Variants in CARD19 observed in about 807,000 individuals in gnomAD.
The protein encoded by CARD19 is caspase recruitment domain-containing protein 19.
CARD19 carries 25 observed loss-of-function variants against 24.1 expected under a neutral mutation model. The observed-to-expected ratio is 1.04, with a 90% CI of 0.76 to 1.45. The LOEUF (loss-of-function observed/expected upper bound fraction) is 1.45, where lower values mean the gene tolerates loss of function less well. Ranked by LOEUF, CARD19 falls within the 40% of genes most tolerant of loss-of-function variation. The pLI is 0.00. For missense variants in CARD19, 241 were observed against 247.4 expected (o/e 0.97, Z 0.17); for synonymous variants, 103 against 104.9 (o/e 0.98, Z 0.11).
At chr9:93,104,786 G>T (rs1333377363) in intron 1 of CARD19, among the ~76,000 whole-genome samples, 1 of 152,108 alleles carries the variant, frequency 6.6e-6, no homozygotes, top group Non-Finnish European at 1.5e-5. Flanking sequence ...TTTCTGTAAA[G>T]TTCATGGTAA....
In CARD19 at chr9:93,112,795, G is replaced by A. The variant is rs571583471; in HGVS notation, c.437-197G>A. Among the ~76,000 whole-genome samples, 22 of 152,306 alleles carry A rather than the reference G, an allele frequency of 1.4e-4. No homozygotes were observed. In the South Asian group the frequency reaches 4.1e-3, roughly 29 times the overall value. Reference sequence around the variant, plus strand: ...CACACATGGCAGGACTCAAAGGCCCGTGGGTCACTCGGGTGGGAGCTGGGG... The same window carrying A: ...CACACATGGCAGGACTCAAAGGCCCATGGGTCACTCGGGTGGGAGCTGGGG... On this transcript the variant is annotated intron_variant, in intron 5 of 5. Coordinates refer to ENST00000375464, the MANE Select transcript of CARD19 (RefSeq NM_032310.5).
chr9:93,111,845 G>A (rs555777148), intron 3 of CARD19, 34 bp from the exon 4 acceptor site: 86 of 1,604,990 alleles, frequency 5.4e-5, no homozygotes, highest in African/African-American at 4.0e-4. Flanking sequence ...GGCCCTGCCC[G>A]TTGACTAACT....
In CARD19 at chr9:93,096,444, G is replaced by C; in HGVS notation, c.7+92G>C. 8.8e-7 allele frequency: 1 copy of C among 1,142,388 alleles called. No homozygotes were observed. Among genetic ancestry groups the C allele is most frequent in the Non-Finnish European group, 1.1e-6 (1 of 909,056 alleles). The allele number at this position is 1,142,388 out of a possible 1,614,324, so 70.8% of individuals were successfully genotyped here. A position where few individuals can be genotyped will look rare whatever the true frequency, so the allele number is the denominator to read the frequency against. ...CCGGCTGCCTTGCGAGTCGCCTGCA[G>C]GCCGCGCCTGGGCAGCGGGGGCCGA... is the stretch of plus-strand genomic sequence containing the variant. On this transcript the variant is annotated intron_variant, in intron 1 of 5. Transcript: ENST00000375464. The surrounding 1 kb of genome is among the most constrained non-coding windows in gnomAD (Gnocchi z 5.4).
chr9:93,106,414 T>A (rs867345207), intron 1 of CARD19, among the ~76,000 whole-genome samples: 13 of 102,894 alleles, frequency 1.3e-4, no homozygotes, highest in Non-Finnish European at 1.6e-4. Context: ...CTGTCTCTAC[T>A]AAAAAAAAAA....
Position 93,103,223 on chromosome 9 carries a change from C to T in CARD19, c.8-4451C>T, listed in dbSNP as rs915501182. Reference sequence around the variant, plus strand: ...CTTGTTCCTGATCTTAAGAAGCTTTCGGTCTTTCACCGTTAAGGTATGATG... The same window carrying T: ...CTTGTTCCTGATCTTAAGAAGCTTTTGGTCTTTCACCGTTAAGGTATGATG... On this transcript the variant is annotated intron_variant, in intron 1 of 5. Coordinates refer to ENST00000375464, the MANE Select transcript of CARD19 (RefSeq NM_032310.5). Among the ~76,000 whole-genome samples the T allele has an allele frequency of 3.9e-5, 6 of 152,270 alleles. No individual in the cohort carries two copies. In the South Asian group the frequency reaches 8.3e-4, roughly 21 times the overall value.
intron 1 of CARD19, among the ~76,000 whole-genome samples, chr9:93,105,668 ATT>A (rs1428344073): frequency 1.3e-5 from 2 of 152,152 alleles, no homozygotes; most frequent in Non-Finnish European, 2.9e-5. Context: ...ATCAGAAAAT[ATT>A]TTTTATATGA....
rs1394234548 is a variant in CARD19, at chr9:93,096,580, A to C, written c.7+228A>C. 2.0e-5 allele frequency among the ~76,000 whole-genome samples: 3 copies of C among 151,986 alleles called. No homozygotes were observed. Among genetic ancestry groups the C allele is most frequent in the Non-Finnish European group, 4.4e-5 (3 of 67,960 alleles). On this transcript the variant is annotated intron_variant, in intron 1 of 5. Coordinates refer to ENST00000375464, the MANE Select transcript of CARD19 (RefSeq NM_032310.5). This position sits in a 1 kb window ranked among gnomAD's most constrained non-coding sequence, Gnocchi z 5.4. ...CGTGCCAGCCGAGGCGGTGCCGGGC[A>C]TGATGGGTGGTGGCCAGGTGCGGGG...
rs747119431 is a variant in CARD19 at position 93,096,597 on chromosome 9, G to C, written c.7+245G>C. ...TGCCGGGCATGATGGGTGGTGGCCA[G>C]GTGCGGGGCCCGAAGAGGGCGGGGG... On this transcript the variant is annotated intron_variant, in intron 1 of 5. Transcript: ENST00000375464. This position sits in a 1 kb window ranked among gnomAD's most constrained non-coding sequence, Gnocchi z 5.4. 6.6e-6 allele frequency among the ~76,000 whole-genome samples: 1 copy of C among 152,228 alleles called. No individual in the cohort carries two copies. The highest frequency in any genetic ancestry group is 1.5e-5 in the Non-Finnish European group (1 of 68,034).
chr9:93,111,184 G>T (rs1827471396), intron 3 of CARD19: 3 of 1,191,414 alleles, frequency 2.5e-6, no homozygotes, highest in Non-Finnish European at 3.2e-6. Context: ...TGTTTCCATA[G>T]GACATTGTCA....
chr9:93,104,463 G>GTT (rs60855675), intron 1 of CARD19, among the ~76,000 whole-genome samples: 11 of 151,806 alleles, frequency 7.2e-5, no homozygotes, highest in East Asian at 1.9e-4. Flanking sequence ...CTCGTCTTCA[G>GTT]TTTTTTTTGT....
chr9:93,102,939 A>C (rs1827135468), intron 1 of CARD19, among the ~76,000 whole-genome samples: 1 of 152,170 alleles, frequency 6.6e-6, no homozygotes, highest in South Asian at 2.1e-4. Context: ...CATTGTTAGT[A>C]TGTAGAGATG....
chr9:93,096,325 G>A lies in CARD19; in HGVS notation c.-21G>A. On this transcript the variant is annotated 5_prime_UTR_variant, in exon 1 of 6. Coordinates refer to ENST00000375464, the MANE Select transcript of CARD19 (RefSeq NM_032310.5). The surrounding 1 kb of genome is among the most constrained non-coding windows in gnomAD (Gnocchi z 5.4). The stretch of plus-strand genomic sequence containing the variant: ...GCGGGGCAGACCGCTGGGGACTGCG[G>A]GCGGCGCTGTGTCCGTCGCCATGAC... 8.2e-7 allele frequency: 1 copy of A among 1,225,786 alleles called. No homozygotes were observed. Among genetic ancestry groups the A allele is most frequent in the Non-Finnish European group, 1.0e-6 (1 of 983,970 alleles). The allele number at this position is 1,225,786 out of a possible 1,614,324, so 75.9% of individuals were successfully genotyped here. A position where few individuals can be genotyped will look rare whatever the true frequency, so the allele number is the denominator to read the frequency against.
intron 3 of CARD19, 46 bp downstream of exon 3, chr9:93,110,767 G>A: frequency 6.3e-7 from 1 of 1,579,758 alleles, no homozygotes; most frequent in Non-Finnish European, 8.6e-7. Context: ...CTGGCCCGGG[G>A]AGGGCACCCC....
chr9:93,110,940 C>T, intron 3 of CARD19: 2 of 1,530,832 alleles, frequency 1.3e-6, no homozygotes, highest in Non-Finnish European at 1.7e-6. Flanking sequence ...CTCTGTCTCC[C>T]ACTTTCTCCC....
rs1358045140 is a variant in CARD19, at chr9:93,097,363, G to A, written c.7+1011G>A. ...CAGGCCAGAAGAGACTTCCAGCCTA[G>A]GCCACAAGAGACCCCAGCTGCCACC... is the stretch of plus-strand genomic sequence containing the variant. On this transcript the variant is annotated intron_variant, in intron 1 of 5. Transcript: ENST00000375464. Among the ~76,000 whole-genome samples the A allele has an allele frequency of 3.3e-5, 5 of 151,948 alleles. No individual in the cohort carries two copies. The South Asian group carries it at 8.3e-4, about 25-fold the overall frequency.
chr9:93,102,391 A>T (rs1587638944), intron 1 of CARD19, among the ~76,000 whole-genome samples: 1 of 152,300 alleles, frequency 6.6e-6, no homozygotes, highest in East Asian at 1.9e-4. Context: ...GTTCAGTTGT[A>T]GGAGTTCTTT....
In CARD19 at chr9:93,096,218, A is replaced by G; in HGVS notation, c.-128A>G. The G allele has an allele frequency of 9.6e-7, 1 of 1,040,448 alleles. No homozygotes were observed. The allele number at this position is 1,040,448 out of a possible 1,614,324, so 64.5% of individuals were successfully genotyped here. A position where few individuals can be genotyped will look rare whatever the true frequency, so the allele number is the denominator to read the frequency against. The stretch of plus-strand genomic sequence containing the variant: ...CCAAAGCCGGGGGGCTGGCCTAGCC[A>G]AAAGGGGCGGGCGAGCACGGCCCGC... On this transcript the variant is annotated 5_prime_UTR_variant, in exon 1 of 6. Coordinates refer to ENST00000375464, the MANE Select transcript of CARD19 (RefSeq NM_032310.5). This position sits in a 1 kb window ranked among gnomAD's most constrained non-coding sequence, Gnocchi z 5.4.
rs958393330 is a variant in CARD19 at position 93,096,468 on chromosome 9, G to A, written c.7+116G>A. ...AGGCCGCGCCTGGGCAGCGGGGGCC[G>A]AGTGACCTTGGCCCGTCAGCTGTCG... On this transcript the variant is annotated intron_variant, in intron 1 of 5. Transcript: ENST00000375464. This position sits in a 1 kb window ranked among gnomAD's most constrained non-coding sequence, Gnocchi z 5.4. The A allele has an allele frequency of 1.3e-5, 13 of 976,064 alleles. No homozygotes were observed. Among genetic ancestry groups the A allele is most frequent in the Non-Finnish European group, 1.6e-5 (12 of 758,202 alleles). The allele number at this position is 976,064 out of a possible 1,614,324, so 60.5% of individuals were successfully genotyped here.
At chr9:93,112,364 C>A in intron 5 of CARD19, 75 bp downstream of exon 5, 2 of 1,302,876 alleles carry the variant, frequency 1.5e-6, no homozygotes, top group Non-Finnish European at 2.1e-6. Context: ...AGACCCTGCC[C>A]AATTTGGGAC....
Sources: allele counts gnomAD v4.1 joint callset (sites outside exome capture counted in the v4.1 genomes callset), GRCh38; gene constraint gnomAD v4.1.1; non-coding constraint Gnocchi (gnomAD v3.1); transcripts MANE v1.5; gene names NCBI Gene and HGNC (gene_info 2026-07-23, HGNC 2026-07-21).